DNAH7: variants seen among roughly 807,000 people sequenced by gnomAD.
DNAH7 encodes the protein dynein axonemal heavy chain 7, also known as axonemal beta dynein heavy chain 7.
In DNAH7, 397 loss-of-function variants were observed where a neutral mutation model predicts 444.6. That is an observed-to-expected ratio of 0.89 (90% CI 0.82 to 0.97). The LOEUF is 0.97. Ranked by LOEUF, DNAH7 falls within the 50% of genes least tolerant of loss-of-function variation. The pLI is 0.00. For missense variants in DNAH7, 4,902 were observed against 4,800.8 expected, an observed-to-expected ratio of 1.02 and a Z score of -0.62; for synonymous variants, 1,636 against 1,624.4, an observed-to-expected ratio of 1.01 and a Z score of -0.17.
intron 14 of DNAH7, among the ~76,000 whole-genome samples, chr2:195,986,843 TAACTC>T (rs1692943923): frequency 6.6e-6 from 1 of 152,136 alleles, no homozygotes; most frequent in African/African-American, 2.4e-5. Context: ...AATACCACCT[TAACTC>T]AGACAATTGG....
chr2:195,931,377 G>A (rs1485998507), intron 21 of DNAH7, among the ~76,000 whole-genome samples: 1 of 151,884 alleles, frequency 6.6e-6, no homozygotes, highest in African/African-American at 2.4e-5. Context: ...TAGGTTGCCT[G>A]TTCACTCTGA....
chr2:196,061,780 T>G (rs1296087527), intron 1 of DNAH7, among the ~76,000 whole-genome samples: 1 of 152,208 alleles, frequency 6.6e-6, no homozygotes. Context: ...AGAATCCTTA[T>G]TATATCATGT....
intron 15 of DNAH7, among the ~76,000 whole-genome samples, chr2:195,972,798 A>T (rs180940993): frequency 6.6e-6 from 1 of 152,336 alleles, no homozygotes; most frequent in Non-Finnish European, 1.5e-5. Context: ...GGCACCTGCT[A>T]TGGGCCTGAC....
rs145666907 is a variant in DNAH7, at chr2:195,981,539, A to T, written c.1833+3093T>A. Among the ~76,000 whole-genome samples the T allele has an allele frequency of 7.6e-4, 115 of 152,284 alleles. 2 individuals carry two copies. The East Asian group carries it at 0.021, about 28-fold the overall frequency. On this transcript the variant is annotated intron_variant, in intron 15 of 64. Transcript: ENST00000312428. ...GGAGCAAAAAGAACAAAACTGGAGG[A>T]ATCACATTACCTGATTAGAAATTAT...
intron 49 of DNAH7, among the ~76,000 whole-genome samples, chr2:195,818,873 C>CT (rs564956603): frequency 3.6e-4 from 55 of 152,018 alleles, no homozygotes; most frequent in South Asian, 1.9e-3. Context: ...ACATCTATGT[C>CT]TTTTTTTAAT....
In DNAH7 at chr2:195,886,138, T is replaced by C. The variant is rs202234335; in HGVS notation, c.5538+3A>G. 262 of 1,612,392 alleles carry C rather than the reference T, an allele frequency of 1.6e-4. No homozygotes were observed. Among genetic ancestry groups the C allele is most frequent in the Admixed American group, 3.8e-4 (23 of 59,776 alleles). On this transcript the variant is annotated splice_donor_region_variant and intron_variant, in intron 34 of 64. Coordinates refer to ENST00000312428, the MANE Select transcript of DNAH7 (RefSeq NM_018897.3). ...GCAGGATACAGAAGGCAACGGACCT[T>C]ACCTCAAGCAAAGAGTAAGTTTCTC... is the stretch of plus-strand genomic sequence containing the variant.
chr2:195,950,868 A>AAAAAAAAAAAAAAAAAC (rs1553575648), intron 19 of DNAH7, among the ~76,000 whole-genome samples: 1 of 138,152 alleles, frequency 7.2e-6, no homozygotes. Context: ...AAAAAAAAAA[A>AAAAAAAAAAAAAAAAAC]AAAAAAAAAA....
chr2:195,911,152 A>G (rs900369634), intron 24 of DNAH7, among the ~76,000 whole-genome samples: 3 of 152,202 alleles, frequency 2.0e-5, no homozygotes, highest in African/African-American at 7.2e-5. Flanking sequence ...AGCAATGGAC[A>G]AAGAGTGTTA....
intron 9 of DNAH7, among the ~76,000 whole-genome samples, chr2:196,016,951 T>C (rs1027545262): frequency 2.6e-5 from 4 of 152,150 alleles, no homozygotes; most frequent in African/African-American, 7.2e-5. Flanking sequence ...ATACACGAGA[T>C]TGAATATTGA....
At chr2:195,757,636 G>C (rs1318946210) in intron 61 of DNAH7, among the ~76,000 whole-genome samples, 1 of 152,172 alleles carries the variant, frequency 6.6e-6, no homozygotes, top group Non-Finnish European at 1.5e-5. Flanking sequence ...GAAACAAAGA[G>C]GGGAAGGGAA....
chr2:195,922,800 C>T (rs1407543255), intron 23 of DNAH7, among the ~76,000 whole-genome samples: 5 of 152,172 alleles, frequency 3.3e-5, no homozygotes, highest in African/African-American at 7.2e-5. Flanking sequence ...ACTACCATCA[C>T]CATCCACCTG....
At chr2:195,891,535 G>A (rs891042043) in intron 31 of DNAH7, 120 bp downstream of exon 31, 39 of 952,534 alleles carry the variant, frequency 4.1e-5, no homozygotes, top group Non-Finnish European at 5.0e-5. Flanking sequence ...CCAGTACTGT[G>A]TTTTAAATAA....
intron 59 of DNAH7, 25 bp from the exon 60 acceptor site, chr2:195,776,008 C>G (rs760023506): frequency 6.2e-7 from 1 of 1,608,792 alleles, no homozygotes; most frequent in Admixed American, 1.7e-5. Context: ...AACAAGAAGT[C>G]AGGAGGTTAG....
chr2:195,990,978 T>C (rs1424169604), intron 12 of DNAH7, among the ~76,000 whole-genome samples: 1 of 146,042 alleles, frequency 6.8e-6, no homozygotes, highest in East Asian at 2.0e-4. Context: ...TACATATATA[T>C]ATATATATGC....
At chr2:195,976,766 AGAG>A (rs1484044110) in intron 15 of DNAH7, among the ~76,000 whole-genome samples, 11 of 150,842 alleles carry the variant, frequency 7.3e-5, no homozygotes, top group African/African-American at 2.7e-4. Context: ...AGAGAGAGAG[AGAG>A]AGAGAGAGAG....
At chr2:195,946,079 G>T (rs1429716599) in intron 19 of DNAH7, among the ~76,000 whole-genome samples, 2 of 152,078 alleles carry the variant, frequency 1.3e-5, no homozygotes, top group African/African-American at 4.8e-5. Context: ...AATGCTACTA[G>T]AACAGGAAAA....
chr2:195,820,222 A>C (rs1036054314), intron 49 of DNAH7, among the ~76,000 whole-genome samples: 2 of 151,740 alleles, frequency 1.3e-5, no homozygotes, highest in East Asian at 1.9e-4. Flanking sequence ...GCATGTTCTC[A>C]CTCGTAAGTG....
At chr2:195,797,250 T>C (rs1696190819) in intron 55 of DNAH7, among the ~76,000 whole-genome samples, 1 of 152,232 alleles carries the variant, frequency 6.6e-6, no homozygotes, top group Non-Finnish European at 1.5e-5. Context: ...TGTTTTCCTA[T>C]ATTCAGTTTT....
intron 29 of DNAH7, among the ~76,000 whole-genome samples, chr2:195,896,944 A>G (rs1702354365): frequency 6.6e-6 from 1 of 152,162 alleles, no homozygotes; most frequent in South Asian, 2.1e-4. Context: ...AGTGCTAGGA[A>G]AACTGGATAA....
Sources: gnomAD v4.1 joint callset for allele counts (sites outside exome capture counted in the v4.1 genomes callset) on GRCh38, gnomAD v4.1.1 for gene constraint, MANE v1.5 for transcripts, NCBI Gene and HGNC (gene_info 2026-07-23, HGNC 2026-07-21) for gene names.